The following EYS variants were observed in gnomAD, a reference collection of about 807,000 sequenced individuals.
The protein encoded by EYS is protein eyes shut homolog.
In EYS, 250 loss-of-function variants were observed where a neutral mutation model predicts 282.1. The ratio of observed to expected loss-of-function variants is 0.89; its 90% confidence interval spans 0.80 to 0.98. The LOEUF is 0.98. Among genes scored for constraint, EYS ranks in the 50% least tolerant of loss-of-function variants. The pLI is 0.00. For synonymous variants in EYS, 1,355 were observed against 1,282.9 expected (o/e 1.06, Z -1.20); for missense variants, 4,016 against 3,709.0 (o/e 1.08, Z -2.15).
At chr6:64,773,525 G>A (rs1465597378) in intron 22 of EYS, among the ~76,000 whole-genome samples, 1 of 151,812 alleles carries the variant, frequency 6.6e-6, no homozygotes, top group Non-Finnish European at 1.5e-5. Flanking sequence ...TGTTAATTCT[G>A]TTTTAAGCTC....
intron 31 of EYS, among the ~76,000 whole-genome samples, chr6:64,222,310 C>T (rs1397002357): frequency 1.3e-5 from 2 of 151,986 alleles, no homozygotes; most frequent in Non-Finnish European, 2.9e-5. Context: ...TAAGTTTTTC[C>T]TATCAAAGGC....
At chr6:63,990,663 T>C (rs1278844530) in intron 34 of EYS, among the ~76,000 whole-genome samples, 2 of 151,668 alleles carry the variant, frequency 1.3e-5, no homozygotes, top group Admixed American at 6.6e-5. Context: ...AATTCTCACC[T>C]TCCAGTTTCT....
chr6:64,091,878 C>T (rs1024219331), intron 31 of EYS, among the ~76,000 whole-genome samples: 1 of 152,050 alleles, frequency 6.6e-6, no homozygotes, highest in African/African-American at 2.4e-5. Context: ...TTAGGTATAT[C>T]TCCTAATGCT....
intron 13 of EYS, among the ~76,000 whole-genome samples, chr6:65,048,192 T>C (rs1583433136): frequency 6.6e-6 from 1 of 152,004 alleles, no homozygotes. Flanking sequence ...TAGCCTCGTT[T>C]CTCCTTACCA....
intron 32 of EYS, among the ~76,000 whole-genome samples, chr6:64,081,447 A>T (rs761664205): frequency 6.6e-6 from 1 of 152,172 alleles, no homozygotes; most frequent in Non-Finnish European, 1.5e-5. Flanking sequence ...TTACTAAAAG[A>T]GTGGTAGGAA....
At chr6:64,621,266 AAAAT>A (rs2149852772) in intron 23 of EYS, among the ~76,000 whole-genome samples, 1 of 152,310 alleles carries the variant, frequency 6.6e-6, no homozygotes, top group African/African-American at 2.4e-5. Flanking sequence ...TTTATGAATG[AAAAT>A]AAATGTCACT....
chr6:64,728,260 C>A (rs1001349532), intron 22 of EYS, among the ~76,000 whole-genome samples: 2 of 150,020 alleles, frequency 1.3e-5, no homozygotes, highest in Non-Finnish European at 1.5e-5. Flanking sequence ...TGTTTTAAAC[C>A]TGTGTAAAAA....
intron 41 of EYS, among the ~76,000 whole-genome samples, chr6:63,736,279 T>G (rs1206032097): frequency 6.6e-5 from 10 of 152,132 alleles, no homozygotes; most frequent in African/African-American, 9.7e-5. Context: ...TGTAAGGAAG[T>G]GATCCAGTTT....
intron 19 of EYS, among the ~76,000 whole-genome samples, chr6:64,834,549 G>A (rs1165814133): frequency 6.6e-6 from 1 of 151,786 alleles, no homozygotes; most frequent in African/African-American, 2.4e-5. Flanking sequence ...GTTAATTTGA[G>A]ATTTAATTTT....
At chr6:65,402,407 T>C (rs1766543180) in intron 7 of EYS, 71 bp downstream of exon 7, 6 of 1,086,148 alleles carry the variant, frequency 5.5e-6, no homozygotes, top group Middle Eastern at 2.9e-4. Context: ...CAGAACATCA[T>C]TATATTTTTG....
chr6:65,683,710 A>G (rs768210584), intron 1 of EYS, among the ~76,000 whole-genome samples: 10 of 152,004 alleles, frequency 6.6e-5, no homozygotes, highest in Admixed American at 5.9e-4. Flanking sequence ...AGCTCACAGT[A>G]TCAGGGACAT....
At chr6:64,924,668 T>C (rs541982371) in intron 15 of EYS, among the ~76,000 whole-genome samples, 2 of 152,318 alleles carry the variant, frequency 1.3e-5, no homozygotes, top group East Asian at 3.9e-4. Flanking sequence ...TACTGTCAGA[T>C]ACCCTAAATC....
chr6:64,587,574 G>A (rs1334892664), intron 26 of EYS, among the ~76,000 whole-genome samples: 1 of 151,998 alleles, frequency 6.6e-6, no homozygotes, highest in Non-Finnish European at 1.5e-5. Context: ...CTATTAAGCA[G>A]CTATTTTAAT....
At chr6:64,144,877 T>C (rs557282576) in intron 31 of EYS, among the ~76,000 whole-genome samples, 1 of 152,292 alleles carries the variant, frequency 6.6e-6, no homozygotes, top group South Asian at 2.1e-4. Flanking sequence ...AAATTTTCTA[T>C]GATACTGTGA....
chr6:65,367,367 G>A (rs1764951385), intron 8 of EYS, among the ~76,000 whole-genome samples: 1 of 151,654 alleles, frequency 6.6e-6, no homozygotes, highest in East Asian at 1.9e-4. Flanking sequence ...TTTCACAAAT[G>A]ATTTATTCTT....
At position 63,723,831 on chromosome 6, in the gene EYS, A is replaced by C. The variant is rs1286534188; in HGVS notation, c.8234-2034T>G. ...TATTATTATTATTATTATTATTATT[A>C]TTATTTTGAGACCAGAGTCCTGCTC... On this transcript the variant is annotated intron_variant, in intron 42 of 42. Transcript: ENST00000503581. Among the ~76,000 whole-genome samples the C allele has an allele frequency of 6.1e-5, 8 of 130,212 alleles. No homozygotes were observed. In the East Asian group the frequency reaches 1.7e-3, roughly 28 times the overall value. The allele number at this position is 130,212 out of a possible 152,430, so 85.4% of individuals were successfully genotyped here.
chr6:65,314,064 C>T (rs1769232322), intron 11 of EYS, among the ~76,000 whole-genome samples: 1 of 152,040 alleles, frequency 6.6e-6, no homozygotes. Context: ...AGTGCCTTTC[C>T]ATTGGCTGTT....
chr6:65,471,109 C>A (rs1403296064), intron 5 of EYS, among the ~76,000 whole-genome samples: 6 of 151,740 alleles, frequency 4.0e-5, no homozygotes, highest in Non-Finnish European at 8.8e-5. Context: ...TGCACTCCAG[C>A]CTGGGTGACA....
chr6:65,333,021 G>A (rs1769851825), intron 11 of EYS, among the ~76,000 whole-genome samples: 1 of 151,074 alleles, frequency 6.6e-6, no homozygotes, highest in East Asian at 1.9e-4. Flanking sequence ...TAAAACAAAT[G>A]AAATTTTGTT....
Sources: allele counts gnomAD v4.1 joint callset (sites outside exome capture counted in the v4.1 genomes callset), GRCh38; gene constraint gnomAD v4.1.1; transcripts MANE v1.5; gene names NCBI Gene and HGNC (gene_info 2026-07-23, HGNC 2026-07-21).